Variants in TMEM132C observed in about 807,000 individuals in gnomAD.
The protein encoded by TMEM132C is transmembrane protein 132C, also known as protein phosphatase 1, regulatory subunit 152.
A neutral mutation model predicts 61.4 loss-of-function variants in TMEM132C; 29 were observed. The ratio of observed to expected loss-of-function variants is 0.47; its 90% CI spans 0.35 to 0.64. The LOEUF is 0.64. Among genes scored for constraint, TMEM132C ranks in the 30% least tolerant of loss-of-function variants. TMEM132C has a pLI of 0.00. For synonymous variants in TMEM132C, 656 were observed against 633.1 expected (o/e 1.04, Z -0.54); for missense variants, 1,408 against 1,476.9 (o/e 0.95, Z 0.76).
At chr12:128,380,126 C>T (rs1048452225) in intron 1 of TMEM132C, among the ~76,000 whole-genome samples, 7 of 152,206 alleles carry the variant, frequency 4.6e-5, no homozygotes, top group African/African-American at 7.2e-5. Context: ...CTCTGATCAC[C>T]GTATTAAAAC....
chr12:128,327,229 T>A (rs1051479267), intron 1 of TMEM132C, among the ~76,000 whole-genome samples: 2 of 148,870 alleles, frequency 1.3e-5, no homozygotes, highest in African/African-American at 5.2e-5. Context: ...AAACAAGGAG[T>A]TGTCGACAAA....
intron 3 of TMEM132C, among the ~76,000 whole-genome samples, chr12:128,563,059 C>T (rs922805187): frequency 2.6e-5 from 4 of 152,226 alleles, no homozygotes; most frequent in Non-Finnish European, 5.9e-5. Flanking sequence ...GACCCAGAAG[C>T]TCTGTGTCAT....
chr12:128,449,156 A>AAG (rs927768791), intron 2 of TMEM132C, among the ~76,000 whole-genome samples: 9 of 147,194 alleles, frequency 6.1e-5, no homozygotes, highest in Admixed American at 5.4e-4. Flanking sequence ...AAAAAAAAAA[A>AAG]AAAAGAAATT....
rs115277110 is a variant in TMEM132C, at chr12:128,324,921, T to A, written c.85+57434T>A. 8.8e-3 allele frequency among the ~76,000 whole-genome samples: 1,340 copies of A among 152,310 alleles called. 28 individuals are homozygous for A. The highest frequency in any genetic ancestry group is 0.03 in the African/African-American group (1,263 of 41,556). On this transcript the variant is annotated intron_variant, in intron 1 of 8. Coordinates refer to ENST00000435159, the MANE Select transcript of TMEM132C (RefSeq NM_001136103.3). Reference sequence around the variant, plus strand: ...TTAGTGATTATGTTCTACATTCAATTACATTAATGAATATCTTCATTTCCA... The same window carrying A: ...TTAGTGATTATGTTCTACATTCAATAACATTAATGAATATCTTCATTTCCA...
intron 2 of TMEM132C, among the ~76,000 whole-genome samples, chr12:128,510,606 G>A (rs1365147636): frequency 2.6e-5 from 4 of 152,166 alleles, no homozygotes; most frequent in Non-Finnish European, 4.4e-5. Flanking sequence ...GAGCTGGTTG[G>A]CAGCAAAAGC....
intron 1 of TMEM132C, among the ~76,000 whole-genome samples, chr12:128,351,777 C>G (rs989258189): frequency 2.6e-5 from 4 of 152,186 alleles, no homozygotes; most frequent in Admixed American, 1.3e-4. Flanking sequence ...CCCTCAGGAT[C>G]CAAACACCTC....
chr12:128,345,870 T>A (rs557957032), intron 1 of TMEM132C, among the ~76,000 whole-genome samples: 11 of 152,348 alleles, frequency 7.2e-5, no homozygotes, highest in African/African-American at 2.6e-4. Flanking sequence ...TCTTTTGTTG[T>A]GCAGAAGCTT....
chr12:128,342,191 T>A (rs1214225801), intron 1 of TMEM132C, among the ~76,000 whole-genome samples: 1 of 152,052 alleles, frequency 6.6e-6, no homozygotes, highest in Non-Finnish European at 1.5e-5. Flanking sequence ...GTATTTTTAG[T>A]AGAGTTGGGG....
intron 1 of TMEM132C, among the ~76,000 whole-genome samples, chr12:128,379,422 G>T (rs1002884086): frequency 1.3e-5 from 2 of 152,184 alleles, no homozygotes; most frequent in African/African-American, 4.8e-5. Flanking sequence ...GCCTGGGACT[G>T]CTATAACAAA....
chr12:128,365,988 G>T (rs1873855669), intron 1 of TMEM132C, among the ~76,000 whole-genome samples: 1 of 152,344 alleles, frequency 6.6e-6, no homozygotes, highest in South Asian at 2.1e-4. Context: ...ACCCACTGCT[G>T]TAAACTCAGC....
intron 2 of TMEM132C, among the ~76,000 whole-genome samples, chr12:128,492,982 G>A (rs11615376): frequency 6.6e-6 from 1 of 152,072 alleles, no homozygotes; most frequent in African/African-American, 2.4e-5. Flanking sequence ...TATGGTTTTA[G>A]GTCTAATATT....
At chr12:128,620,232 CAAAAAAAAAAAAA>C (rs386378194) in intron 4 of TMEM132C, among the ~76,000 whole-genome samples, 2 of 61,994 alleles carry the variant, frequency 3.2e-5, no homozygotes. Flanking sequence ...GACCCTGTCT[CAAAAAAAAAAAAA>C]AAAAAAAAAG....
At chr12:128,680,046 C>G (rs1220531717) in intron 5 of TMEM132C, among the ~76,000 whole-genome samples, 2 of 152,046 alleles carry the variant, frequency 1.3e-5, no homozygotes, top group South Asian at 4.2e-4. Context: ...AAAGAACAGC[C>G]AGGATGAAGG....
chr12:128,507,690 G>T (rs563705518), intron 2 of TMEM132C, among the ~76,000 whole-genome samples: 1 of 152,066 alleles, frequency 6.6e-6, no homozygotes, highest in Non-Finnish European at 1.5e-5. Context: ...TATATGTTTC[G>T]AAAGGTGTGA....
chr12:128,705,946 A>G lies in TMEM132C; in HGVS notation c.2978A>G (p.Glu993Gly). ...GGGGATGCGCCGCCGCCCCAGGACG[A>G]GCACACCACCATCATAGACCGCGGA... ...SMGDAPPPQD[E>G]HTTIIDRGPG... is the part of the protein sequence containing the mutation. Residue 993 changes from glutamate (E) to glycine (G), a missense_variant, in exon 9 of 9, where the codon GAG becomes GGG. Transcript: ENST00000435159. The G allele has an allele frequency of 6.4e-7, 1 of 1,551,494 alleles. No individual in the cohort carries two copies. The highest frequency in any genetic ancestry group is 8.7e-7 in the Non-Finnish European group (1 of 1,146,942).
At chr12:128,622,356 A>AT (rs1374240441) in intron 4 of TMEM132C, among the ~76,000 whole-genome samples, 30 of 59,160 alleles carry the variant, frequency 5.1e-4, no homozygotes, top group African/African-American at 6.8e-4. Context: ...AAAAAAAAAA[A>AT]AAAAATATAT....
rs756374075 is a variant in TMEM132C, at chr12:128,415,030, T to G, written c.384T>G (p.Asp128Glu). 1.3e-6 allele frequency: 2 copies of G among 1,567,178 alleles called. No homozygotes were observed. Among genetic ancestry groups the G allele is most frequent in the Admixed American group, 3.8e-5 (2 of 52,902 alleles). Residue 128 changes from aspartate (D) to glutamate (E), a missense_variant, in exon 2 of 9, where the codon GAT becomes GAG. Coordinates refer to ENST00000435159, the MANE Select transcript of TMEM132C (RefSeq NM_001136103.3). The surrounding 1 kb of genome is among the most constrained non-coding windows in gnomAD (Gnocchi z 5.8). ...GTCCAACCAATAAGTTTAGTTTTGA[T>G]TGGAAACTAAAAGCCCACATCCTGC... ...FLGPTNKFSF[D>E]WKLKAHILRD...
intron 1 of TMEM132C, among the ~76,000 whole-genome samples, chr12:128,365,938 G>A (rs576686900): frequency 6.6e-6 from 1 of 152,286 alleles, no homozygotes; most frequent in South Asian, 2.1e-4. Context: ...GAAAGGAAGG[G>A]CCACTTTTTC....
At chr12:128,343,687 C>G (rs1359333930) in intron 1 of TMEM132C, among the ~76,000 whole-genome samples, 1 of 151,984 alleles carries the variant, frequency 6.6e-6, no homozygotes, top group Non-Finnish European at 1.5e-5. Context: ...GTACAATCAA[C>G]GGTATCATTT....
Sources: gnomAD v4.1 joint callset for allele counts (sites outside exome capture counted in the v4.1 genomes callset) on GRCh38, gnomAD v4.1.1 for gene constraint, Gnocchi (gnomAD v3.1) non-coding constraint, MANE v1.5 for transcripts, NCBI Gene and HGNC (gene_info 2026-07-23, HGNC 2026-07-21) for gene names.